CCSER1: variants seen among roughly 807,000 people sequenced by gnomAD.
The protein encoded by CCSER1 is serine-rich coiled-coil domain-containing protein 1.
A neutral mutation model predicts 82.0 loss-of-function variants in CCSER1; 41 were observed. That is an observed-to-expected ratio of 0.50 (90% CI 0.39 to 0.65). The LOEUF (loss-of-function observed/expected upper bound fraction) is 0.65, where lower values mean the gene tolerates loss of function less well. CCSER1 is among the 30% of genes least tolerant of loss of function. The pLI is 0.00. For missense variants in CCSER1, 1,119 were observed against 1,064.2 expected, an observed-to-expected ratio of 1.05 and a Z score of -0.72; for synonymous variants, 414 against 383.9, an observed-to-expected ratio of 1.08 and a Z score of -0.92.
At chr4:91,405,218 C>T (rs1056118768) in intron 10 of CCSER1, among the ~76,000 whole-genome samples, 18 of 121,264 alleles carry the variant, frequency 1.5e-4, no homozygotes, top group Non-Finnish European at 2.2e-4. Context: ...GGATTGCAAC[C>T]CCTGGTTTTT....
chr4:91,474,013 G>A (rs1364617977), intron 10 of CCSER1, among the ~76,000 whole-genome samples: 1 of 152,026 alleles, frequency 6.6e-6, no homozygotes, highest in African/African-American at 2.4e-5. Context: ...GTAGTGTTGT[G>A]TATTCTTTAA....
chr4:90,749,140 A>T (rs1748094443), intron 7 of CCSER1, among the ~76,000 whole-genome samples: 1 of 151,550 alleles, frequency 6.6e-6, no homozygotes, highest in Admixed American at 6.6e-5. Flanking sequence ...GGTAATGCCT[A>T]GGTTTTCTTC....
intron 10 of CCSER1, among the ~76,000 whole-genome samples, chr4:91,422,623 A>C (rs899427237): frequency 2.6e-5 from 4 of 152,180 alleles, no homozygotes; most frequent in Non-Finnish European, 5.9e-5. Context: ...CTAATCAAGT[A>C]ATTCTTAGGT....
chr4:91,337,690 C>T (rs1747416798), intron 10 of CCSER1, among the ~76,000 whole-genome samples: 1 of 152,086 alleles, frequency 6.6e-6, no homozygotes, highest in Non-Finnish European at 1.5e-5. Context: ...CTCTCCTGTT[C>T]CCCAAGGCTT....
chr4:90,607,143 G>A (rs934044572), intron 5 of CCSER1, among the ~76,000 whole-genome samples: 23 of 152,234 alleles, frequency 1.5e-4, no homozygotes, highest in African/African-American at 4.8e-4. Context: ...TTCTGAAAAT[G>A]TATTGCATTT....
chr4:90,342,823 T>C (rs1741647158), intron 3 of CCSER1, among the ~76,000 whole-genome samples: 1 of 152,072 alleles, frequency 6.6e-6, no homozygotes, highest in Non-Finnish European at 1.5e-5. Flanking sequence ...TTCTCTTCTC[T>C]GTCATGTTAT....
intron 8 of CCSER1, among the ~76,000 whole-genome samples, chr4:90,885,859 T>A (rs978427271): frequency 6.6e-6 from 1 of 152,198 alleles, no homozygotes; most frequent in African/African-American, 2.4e-5. Flanking sequence ...TACAAATTCC[T>A]TGTTTCTTAC....
intron 10 of CCSER1, among the ~76,000 whole-genome samples, chr4:91,334,108 T>G (rs1490961305): frequency 6.6e-6 from 1 of 152,128 alleles, no homozygotes; most frequent in South Asian, 2.1e-4. Flanking sequence ...AACATACAAA[T>G]GTTTACATAA....
chr4:90,658,210 A>G (rs1477549897), intron 6 of CCSER1, among the ~76,000 whole-genome samples: 2 of 152,206 alleles, frequency 1.3e-5, no homozygotes, highest in East Asian at 3.9e-4. Context: ...ATTTGATTCC[A>G]TCTCCTTGTA....
chr4:90,288,287 TC>T (rs1730273266), intron 1 of CCSER1, among the ~76,000 whole-genome samples: 1 of 151,892 alleles, frequency 6.6e-6, no homozygotes, highest in South Asian at 2.1e-4. Flanking sequence ...CTTGGAATGA[TC>T]AGGCCTGCCC....
chr4:90,863,200 T>C (rs1341154476), intron 8 of CCSER1, among the ~76,000 whole-genome samples: 3 of 151,920 alleles, frequency 2.0e-5, no homozygotes, highest in Non-Finnish European at 2.9e-5. Flanking sequence ...TTTGGTCTTT[T>C]GTCCTTGCGA....
At chr4:90,544,674 C>G (rs755837491) in intron 5 of CCSER1, among the ~76,000 whole-genome samples, 4 of 151,918 alleles carry the variant, frequency 2.6e-5, no homozygotes, top group Non-Finnish European at 5.9e-5. Context: ...AGAACTCCAC[C>G]CCAAATGACA....
intron 10 of CCSER1, among the ~76,000 whole-genome samples, chr4:91,110,362 A>G (rs1725995751): frequency 6.6e-6 from 1 of 152,036 alleles, no homozygotes; most frequent in African/African-American, 2.4e-5. Flanking sequence ...AAAATTGCCT[A>G]TAAAAATGAT....
At chr4:90,355,592 C>G (rs910797587) in intron 3 of CCSER1, among the ~76,000 whole-genome samples, 1 of 151,928 alleles carries the variant, frequency 6.6e-6, no homozygotes, top group African/African-American at 2.4e-5. Context: ...ACTCCTGCTA[C>G]ATAGGGAAGC....
chr4:90,379,760 A>G (rs1748923778), intron 3 of CCSER1, among the ~76,000 whole-genome samples: 1 of 152,162 alleles, frequency 6.6e-6, no homozygotes, highest in African/African-American at 2.4e-5. Flanking sequence ...ACATTGCTCT[A>G]AAGAAATATC....
At chr4:90,719,645 A>T (rs1256932852) in intron 6 of CCSER1, among the ~76,000 whole-genome samples, 2 of 151,838 alleles carry the variant, frequency 1.3e-5, no homozygotes, top group Non-Finnish European at 2.9e-5. Flanking sequence ...GATTTGTCTG[A>T]TATTTTTCTC....
intron 8 of CCSER1, among the ~76,000 whole-genome samples, chr4:90,826,189 G>GA (rs1760418182): frequency 6.6e-6 from 1 of 152,098 alleles, no homozygotes. Flanking sequence ...TGGAAGGCCA[G>GA]AAAAATAAGT....
At chr4:90,471,296 A>C (rs976207748) in intron 5 of CCSER1, among the ~76,000 whole-genome samples, 34 of 151,782 alleles carry the variant, frequency 2.2e-4, no homozygotes, top group Admixed American at 2.1e-3. Context: ...ACCCCTGGGC[A>C]CTGTGGCTTG....
At chr4:91,523,659 C>A (rs974307816) in intron 10 of CCSER1, among the ~76,000 whole-genome samples, 1 of 152,068 alleles carries the variant, frequency 6.6e-6, no homozygotes, top group East Asian at 1.9e-4. Context: ...AGTTTATTTG[C>A]GTAGAGGTGT....
Sources: gnomAD v4.1 joint callset for allele counts (sites outside exome capture counted in the v4.1 genomes callset) on GRCh38, gnomAD v4.1.1 for gene constraint, MANE v1.5 for transcripts, NCBI Gene and HGNC (gene_info 2026-07-23, HGNC 2026-07-21) for gene names.